Variants in CLSTN2 observed in about 807,000 individuals in gnomAD.
The protein encoded by CLSTN2 is calsyntenin 2, also known as calsyntenin-2.
Under a neutral mutation model 101.2 loss-of-function variants are expected in CLSTN2, and 48 were observed. That is an observed-to-expected ratio of 0.47 (90% CI 0.38 to 0.60). CLSTN2 has a LOEUF of 0.60. Among genes scored for constraint, CLSTN2 ranks in the 20% least tolerant of loss-of-function variants. The pLI is 0.00. For missense variants in CLSTN2, 1,160 were observed against 1,238.2 expected (o/e 0.94, Z 0.95); for synonymous variants, 481 against 463.6 (o/e 1.04, Z -0.48).
At chr3:139,981,212 G>A (rs1033852960) in intron 1 of CLSTN2, among the ~76,000 whole-genome samples, 1 of 152,142 alleles carries the variant, frequency 6.6e-6, no homozygotes. Context: ...TGTGCATGGG[G>A]AATAGTGCAG....
intron 1 of CLSTN2, among the ~76,000 whole-genome samples, chr3:140,143,755 C>A (rs1369674244): frequency 6.6e-6 from 1 of 152,188 alleles, no homozygotes; most frequent in Non-Finnish European, 1.5e-5. Context: ...AAACTTCCAA[C>A]CCTCCTTTGC....
At chr3:140,030,915 A>T (rs1220090679) in intron 1 of CLSTN2, among the ~76,000 whole-genome samples, 3 of 152,116 alleles carry the variant, frequency 2.0e-5, no homozygotes, top group South Asian at 2.1e-4. Context: ...CATAAATTAG[A>T]CTGAGGGAAA....
intron 2 of CLSTN2, among the ~76,000 whole-genome samples, chr3:140,399,296 T>C (rs1353015903): frequency 2.0e-5 from 3 of 152,240 alleles, no homozygotes; most frequent in Non-Finnish European, 4.4e-5. Flanking sequence ...CAAATGCTAG[T>C]GACAAGCCTC....
At chr3:140,527,782 C>A (rs1044231372) in intron 8 of CLSTN2, among the ~76,000 whole-genome samples, 29 of 151,974 alleles carry the variant, frequency 1.9e-4, no homozygotes, top group Admixed American at 3.3e-4. Context: ...ATAGATGGAG[C>A]CAAAGGCCAT....
At chr3:140,515,067 G>T (rs563722665) in intron 8 of CLSTN2, among the ~76,000 whole-genome samples, 133 of 152,158 alleles carry the variant, frequency 8.7e-4, no homozygotes, top group Middle Eastern at 3.4e-3. Flanking sequence ...TTATTGGTCT[G>T]TTCAGAGTTT....
intron 2 of CLSTN2, among the ~76,000 whole-genome samples, chr3:140,235,106 A>T (rs1001998831): frequency 1.3e-5 from 2 of 152,230 alleles, no homozygotes; most frequent in Non-Finnish European, 2.9e-5. Flanking sequence ...TAATTTTTCA[A>T]GGTGGTTATG....
rs904763156 is a variant in CLSTN2, at chr3:140,456,308, C to T, written c.974-3213C>T. On this transcript the variant is annotated intron_variant, in intron 6 of 16. Coordinates refer to ENST00000458420, the MANE Select transcript of CLSTN2 (RefSeq NM_022131.3). ...CTGGGAAGTCCTGGTGATGGGTCCA[C>T]TCACTAGCTGGGTGCCATCCTGGGC... Among the ~76,000 whole-genome samples the T allele has an allele frequency of 7.2e-5, 11 of 152,290 alleles. No individual in the cohort carries two copies. In the East Asian group the frequency reaches 2.1e-3, roughly 29 times the overall value.
Position 140,404,654 on chromosome 3 carries a change from T to C in CLSTN2, c.525T>C (p.Tyr175=). 1 of 1,614,206 alleles carries C rather than the reference T, an allele frequency of 6.2e-7. No individual in the cohort carries two copies. Among genetic ancestry groups the C allele is most frequent in the South Asian group, 1.1e-5 (1 of 91,082 alleles). ...YKAVVTEGKI[Y]DSILQVEAID... is the part of the protein sequence containing the mutation. ...CTGTTGTGACGGAGGGCAAGATCTA[T>C]GACAGCATTCTGCAGGTGGAGGCCA... The change falls in exon 4 of 17, where the codon TAT becomes TAC. Residue 175 remains tyrosine, a synonymous_variant. Transcript: ENST00000458420.
chr3:140,263,782 A>G (rs1311893110), intron 2 of CLSTN2, among the ~76,000 whole-genome samples: 1 of 152,304 alleles, frequency 6.6e-6, no homozygotes, highest in Admixed American at 6.5e-5. Context: ...CATATTAATT[A>G]CTTATTGGTA....
At chr3:140,383,171 G>A (rs1418800725) in intron 2 of CLSTN2, among the ~76,000 whole-genome samples, 2 of 152,234 alleles carry the variant, frequency 1.3e-5, no homozygotes, top group South Asian at 2.1e-4. Flanking sequence ...TAAAAGGTTT[G>A]GATATTTTCT....
At chr3:140,534,410 A>T (rs1038658119) in intron 9 of CLSTN2, among the ~76,000 whole-genome samples, 1 of 152,182 alleles carries the variant, frequency 6.6e-6, no homozygotes, top group African/African-American at 2.4e-5. Context: ...TTACATGCCT[A>T]CTGCCCAGAG....
At chr3:140,006,754 G>A (rs555228946) in intron 1 of CLSTN2, among the ~76,000 whole-genome samples, 3 of 152,048 alleles carry the variant, frequency 2.0e-5, no homozygotes, top group South Asian at 4.1e-4. Flanking sequence ...TGAGAGTATT[G>A]CAAGGGTTAT....
At chr3:140,016,098 C>T (rs763973188) in intron 1 of CLSTN2, among the ~76,000 whole-genome samples, 4 of 152,172 alleles carry the variant, frequency 2.6e-5, no homozygotes, top group Admixed American at 6.5e-5. Flanking sequence ...ATGGACAGGC[C>T]TCCCTAGACA....
At chr3:140,252,323 C>T (rs1447555202) in intron 2 of CLSTN2, among the ~76,000 whole-genome samples, 1 of 152,098 alleles carries the variant, frequency 6.6e-6, no homozygotes. Flanking sequence ...TTTGAGCAGC[C>T]CTCCCTCGCT....
chr3:140,457,305 G>A (rs1490830163), intron 6 of CLSTN2, among the ~76,000 whole-genome samples: 3 of 152,192 alleles, frequency 2.0e-5, no homozygotes, highest in Non-Finnish European at 2.9e-5. Context: ...TTCAGGAACC[G>A]ACATGCTCTG....
At chr3:139,995,794 A>G (rs1236729266) in intron 1 of CLSTN2, among the ~76,000 whole-genome samples, 1 of 152,230 alleles carries the variant, frequency 6.6e-6, no homozygotes, top group Non-Finnish European at 1.5e-5. Flanking sequence ...ATCTGCAGCT[A>G]CATGGATGGC....
intron 2 of CLSTN2, among the ~76,000 whole-genome samples, chr3:140,342,257 C>T (rs367658172): frequency 6.6e-6 from 1 of 152,212 alleles, no homozygotes. Flanking sequence ...AGCAGCACCC[C>T]GGCCCCTGCC....
At chr3:140,155,524 T>A (rs1253835660) in intron 1 of CLSTN2, among the ~76,000 whole-genome samples, 1 of 152,100 alleles carries the variant, frequency 6.6e-6, no homozygotes, top group Non-Finnish European at 1.5e-5. Context: ...GAACAATAAG[T>A]TATATCTGGT....
chr3:140,422,226 C>G (rs1299520091), intron 5 of CLSTN2, among the ~76,000 whole-genome samples: 2 of 148,080 alleles, frequency 1.4e-5, no homozygotes, highest in African/African-American at 2.5e-5. Context: ...TCTCTGCTAT[C>G]TTTAATTCTT....
Sources: gnomAD v4.1 joint callset for allele counts (sites outside exome capture counted in the v4.1 genomes callset) on GRCh38, gnomAD v4.1.1 for gene constraint, MANE v1.5 for transcripts, NCBI Gene and HGNC (gene_info 2026-07-23, HGNC 2026-07-21) for gene names.